Variants in IGF1R observed in about 807,000 individuals in gnomAD.
IGF1R encodes the protein insulin-like growth factor 1 receptor.
Under a neutral mutation model 144.6 loss-of-function variants are expected in IGF1R, and 44 were observed. The ratio of observed to expected loss-of-function variants is 0.30; its 90% CI spans 0.24 to 0.39. The LOEUF is 0.39. IGF1R is among the 10% of genes least tolerant of loss of function. The pLI, the probability that IGF1R is intolerant of heterozygous loss-of-function variation, is 1.00. For missense variants in IGF1R, 1,355 were observed against 1,833.7 expected (o/e 0.74, Z 4.77); for synonymous variants, 795 against 722.8 (o/e 1.10, Z -1.60).
At chr15:98,773,488 C>T (rs1237813392) in intron 2 of IGF1R, among the ~76,000 whole-genome samples, 1 of 152,192 alleles carries the variant, frequency 6.6e-6, no homozygotes, top group South Asian at 2.1e-4. Context: ...CAAGGATTAA[C>T]ACGGAGCATT....
chr15:98,884,045 T>C (rs2013514746), intron 2 of IGF1R, among the ~76,000 whole-genome samples: 1 of 152,184 alleles, frequency 6.6e-6, no homozygotes, highest in African/African-American at 2.4e-5. Flanking sequence ...GGTCTGGGAA[T>C]TCACAGATGA....
At chr15:98,775,246 A>G (rs2055683031) in intron 2 of IGF1R, among the ~76,000 whole-genome samples, 1 of 152,094 alleles carries the variant, frequency 6.6e-6, no homozygotes, top group African/African-American at 2.4e-5. Flanking sequence ...TCCACATGGA[A>G]GGTGCCTTTT....
chr15:98,837,430 C>T (rs1232550568), intron 2 of IGF1R, among the ~76,000 whole-genome samples: 3 of 152,132 alleles, frequency 2.0e-5, no homozygotes, highest in South Asian at 4.1e-4. Context: ...TTAGTAGAGA[C>T]GGGGTTTCAC....
intron 2 of IGF1R, among the ~76,000 whole-genome samples, chr15:98,776,576 T>C (rs1019392264): frequency 2.0e-5 from 3 of 152,222 alleles, no homozygotes; most frequent in African/African-American, 7.2e-5. Context: ...TTTAAGAGCC[T>C]CTTCCCTCCT....
intron 2 of IGF1R, among the ~76,000 whole-genome samples, chr15:98,837,748 C>T (rs1427192065): frequency 6.6e-6 from 1 of 152,084 alleles, no homozygotes; most frequent in Non-Finnish European, 1.5e-5. Flanking sequence ...GTCATTTATT[C>T]ATTGGAATTT....
chr15:98,925,258 A>G (rs1355345121), intron 13 of IGF1R, among the ~76,000 whole-genome samples: 1 of 152,206 alleles, frequency 6.6e-6, no homozygotes, highest in African/African-American at 2.4e-5. Flanking sequence ...AGACTGAGGA[A>G]TGTGAGTTTA....
Position 98,957,777 on chromosome 15 carries a change from CCTCT to C in IGF1R, c.*338_*341del, listed in dbSNP as rs909035373. The C allele has an allele frequency of 1.3e-5, 5 of 389,994 alleles. No individual in the cohort carries two copies. Among genetic ancestry groups the C allele is most frequent in the African/African-American group, 1.0e-4 (5 of 49,680 alleles). The allele number at this position is 389,994 out of a possible 1,614,324, so 24.2% of individuals were successfully genotyped here. ...CCTTCCCTGTTCTCCCTTTCTCTCT[CCTCT>C]CTGCTTCATAACGGAAAAATAATTG... is the stretch of plus-strand genomic sequence containing the variant. On this transcript the variant is annotated 3_prime_UTR_variant, in exon 21 of 21. Coordinates refer to ENST00000650285, the MANE Select transcript of IGF1R (RefSeq NM_000875.5).
chr15:98,821,524 G>C (rs114879484), intron 2 of IGF1R, among the ~76,000 whole-genome samples: 3,711 of 152,300 alleles, frequency 0.024, 159 homozygotes, highest in African/African-American at 0.084. Flanking sequence ...AAGGGGAAGG[G>C]GTGGCTTGCC....
intron 2 of IGF1R, among the ~76,000 whole-genome samples, chr15:98,797,587 C>G (rs1023601160): frequency 6.6e-6 from 1 of 152,194 alleles, no homozygotes; most frequent in African/African-American, 2.4e-5. Flanking sequence ...GCATTCCATG[C>G]ACATGCACCT....
At chr15:98,799,876 T>C (rs1406241615) in intron 2 of IGF1R, among the ~76,000 whole-genome samples, 1 of 152,178 alleles carries the variant, frequency 6.6e-6, no homozygotes, top group Non-Finnish European at 1.5e-5. Flanking sequence ...ATAGCTTGGA[T>C]TATCTTGTCT....
intron 2 of IGF1R, among the ~76,000 whole-genome samples, chr15:98,785,562 G>A (rs2175798): frequency 6.6e-6 from 1 of 152,190 alleles, no homozygotes; most frequent in Non-Finnish European, 1.5e-5. Context: ...GCAGGCTTTA[G>A]CGTTCAGAGG....
At chr15:98,915,002 G>A (rs117022892) in intron 8 of IGF1R, among the ~76,000 whole-genome samples, 1 of 152,258 alleles carries the variant, frequency 6.6e-6, no homozygotes, top group Non-Finnish European at 1.5e-5. Flanking sequence ...TGTGTGTATC[G>A]TATAACCTGG....
At chr15:98,827,013 G>T (rs2056906349) in intron 2 of IGF1R, among the ~76,000 whole-genome samples, 2 of 152,154 alleles carry the variant, frequency 1.3e-5, no homozygotes, top group Admixed American at 6.5e-5. Flanking sequence ...CAAGCACAAG[G>T]AGATAGTTTA....
At chr15:98,765,308 CTTTTTTTTTTTT>C (rs139280569) in intron 2 of IGF1R, among the ~76,000 whole-genome samples, 5 of 61,812 alleles carry the variant, frequency 8.1e-5, no homozygotes, top group African/African-American at 2.0e-4. Flanking sequence ...ATGCCAACAC[CTTTTTTTTTTTT>C]TTTTTTTTTT....
At chr15:98,784,065 T>C (rs6598548) in intron 2 of IGF1R, among the ~76,000 whole-genome samples, 148,839 of 148,846 alleles carry the variant, frequency 1, 74,416 homozygotes, top group Middle Eastern at 1. Flanking sequence ...GCCTCTGGCT[T>C]CCGGGTTCAA....
At chr15:98,835,137 A>G (rs959111423) in intron 2 of IGF1R, among the ~76,000 whole-genome samples, 10 of 148,030 alleles carry the variant, frequency 6.8e-5, no homozygotes, top group Non-Finnish European at 1.3e-4. Flanking sequence ...ACCCACCCCT[A>G]CACCCACACA....
intron 2 of IGF1R, among the ~76,000 whole-genome samples, chr15:98,843,475 T>C (rs2011212757): frequency 6.6e-6 from 1 of 152,202 alleles, no homozygotes; most frequent in South Asian, 2.1e-4. Context: ...CAATTTTGAA[T>C]TGCACTGAAA....
intron 2 of IGF1R, among the ~76,000 whole-genome samples, chr15:98,731,302 C>G (rs1351785361): frequency 6.6e-6 from 1 of 152,146 alleles, no homozygotes; most frequent in African/African-American, 2.4e-5. Context: ...TGGTCAAATC[C>G]CGAATACTTA....
intron 11 of IGF1R, 138 bp from the exon 12 acceptor site, chr15:98,923,738 G>A (rs1459983192): frequency 4.1e-6 from 3 of 735,094 alleles, no homozygotes; most frequent in Non-Finnish European, 7.4e-6. Context: ...CGTGGATGGG[G>A]GCGTTATTCT....
Sources: allele counts gnomAD v4.1 joint callset (sites outside exome capture counted in the v4.1 genomes callset), GRCh38; gene constraint gnomAD v4.1.1; transcripts MANE v1.5; gene names NCBI Gene and HGNC (gene_info 2026-07-23, HGNC 2026-07-21).